The following RABGAP1L variants were observed in gnomAD, a reference collection of about 807,000 sequenced individuals.
The protein encoded by RABGAP1L is rab GTPase-activating protein 1-like.
Under a neutral mutation model 137.7 loss-of-function variants are expected in RABGAP1L, and 63 were observed. That is an observed-to-expected ratio of 0.46 (90% CI 0.37 to 0.56). The LOEUF is 0.56. Ranked by LOEUF, RABGAP1L falls within the 20% of genes least tolerant of loss-of-function variation. RABGAP1L has a pLI of 0.00. For missense variants in RABGAP1L, 1,095 were observed against 1,244.0 expected (o/e 0.88, Z 1.80); for synonymous variants, 431 against 433.7 (o/e 0.99, Z 0.08).
At chr1:174,513,596 G>A (rs985070898) in intron 13 of RABGAP1L, among the ~76,000 whole-genome samples, 2 of 152,238 alleles carry the variant, frequency 1.3e-5, no homozygotes, top group Non-Finnish European at 1.5e-5. Flanking sequence ...CTAGGCAACA[G>A]AGCAAGACAT....
At chr1:174,196,566 A>G (rs1571493159) in intron 1 of RABGAP1L, among the ~76,000 whole-genome samples, 1 of 148,650 alleles carries the variant, frequency 6.7e-6, no homozygotes, top group East Asian at 1.9e-4. Flanking sequence ...TGAGTTTTTA[A>G]TCTTTTTTCT....
chr1:174,847,115 G>A (rs1694139920), intron 19 of RABGAP1L, among the ~76,000 whole-genome samples: 1 of 145,582 alleles, frequency 6.9e-6, no homozygotes, highest in Non-Finnish European at 1.5e-5. Flanking sequence ...TTGAGCCTAT[G>A]TGTGTCTCTG....
intron 14 of RABGAP1L, among the ~76,000 whole-genome samples, chr1:174,652,153 G>C (rs899941070): frequency 2.0e-5 from 3 of 152,174 alleles, no homozygotes; most frequent in Non-Finnish European, 2.9e-5. Flanking sequence ...TAAGAATGTT[G>C]AATATCGGCC....
intron 11 of RABGAP1L, among the ~76,000 whole-genome samples, chr1:174,319,923 T>TA (rs141257844): frequency 0.29 from 44,249 of 151,820 alleles, 7,185 homozygotes; most frequent in African/African-American, 0.43. Context: ...ATCTATTCCC[T>TA]AATAAAAATC....
chr1:174,263,758 C>T (rs1673794871), intron 7 of RABGAP1L, among the ~76,000 whole-genome samples: 1 of 149,886 alleles, frequency 6.7e-6, no homozygotes, highest in Non-Finnish European at 1.5e-5. Context: ...TTTATTTTGC[C>T]TTGCTATGAG....
intron 13 of RABGAP1L, among the ~76,000 whole-genome samples, chr1:174,611,178 T>C (rs1188539948): frequency 1.4e-5 from 2 of 147,938 alleles, no homozygotes; most frequent in African/African-American, 5.2e-5. Context: ...CTAGGGTTTT[T>C]ATGGTTTTAG....
rs142213105 is a variant in RABGAP1L, at chr1:174,563,338, A to G, written c.1711-74037A>G. Reference sequence around the variant, plus strand: ...TAGATATGAAATTAACAGTTATTGCATATATTTGTGCTGGCTGCCATATGG... The same window carrying G: ...TAGATATGAAATTAACAGTTATTGCGTATATTTGTGCTGGCTGCCATATGG... On this transcript the variant is annotated intron_variant, in intron 13 of 25. Coordinates refer to ENST00000681986, the MANE Select transcript of RABGAP1L (RefSeq NM_001366446.1). Among the ~76,000 whole-genome samples the G allele has an allele frequency of 1.1e-4, 17 of 152,320 alleles. No homozygotes were observed. In the East Asian group the frequency reaches 3.3e-3, roughly 29 times the overall value.
At chr1:174,924,641 C>T (rs916772496) in intron 19 of RABGAP1L, among the ~76,000 whole-genome samples, 2 of 152,074 alleles carry the variant, frequency 1.3e-5, no homozygotes, top group African/African-American at 4.8e-5. Flanking sequence ...ATCTATTCAA[C>T]CTTGCTTTAG....
chr1:174,941,576 A>G (rs1470051810), intron 19 of RABGAP1L, among the ~76,000 whole-genome samples: 4 of 152,198 alleles, frequency 2.6e-5, no homozygotes, highest in African/African-American at 7.2e-5. Flanking sequence ...ACTATCACCT[A>G]ACAGAAGATG....
At chr1:174,759,703 A>T (rs1685069447) in intron 18 of RABGAP1L, among the ~76,000 whole-genome samples, 1 of 152,218 alleles carries the variant, frequency 6.6e-6, no homozygotes, top group Non-Finnish European at 1.5e-5. Context: ...CAGGAAGCTT[A>T]CAATCATGGC....
intron 16 of RABGAP1L, among the ~76,000 whole-genome samples, chr1:174,699,902 G>A (rs1332014537): frequency 6.6e-6 from 1 of 152,080 alleles, no homozygotes; most frequent in African/African-American, 2.4e-5. Context: ...AATCTAATGA[G>A]TTTAATCATT....
intron 24 of RABGAP1L, 60 bp from the exon 25 acceptor site, chr1:174,988,581 C>G: frequency 1.0e-5 from 14 of 1,333,580 alleles, no homozygotes; most frequent in Non-Finnish European, 1.4e-5. Context: ...TAAATTGTTT[C>G]AGAAGGTGAT....
chr1:174,708,753 T>C (rs112061796), intron 17 of RABGAP1L, among the ~76,000 whole-genome samples: 1 of 152,100 alleles, frequency 6.6e-6, no homozygotes, highest in Non-Finnish European at 1.5e-5. Flanking sequence ...GCAGGAGTTT[T>C]TGTTTGTTTG....
intron 1 of RABGAP1L, among the ~76,000 whole-genome samples, chr1:174,206,021 G>T (rs1241532838): frequency 6.6e-6 from 1 of 152,128 alleles, no homozygotes; most frequent in Non-Finnish European, 1.5e-5. Flanking sequence ...TCCGTCTAGG[G>T]TTTACTTTTC....
chr1:174,248,230 A>G (rs1672425483), intron 5 of RABGAP1L, among the ~76,000 whole-genome samples: 1 of 152,138 alleles, frequency 6.6e-6, no homozygotes, highest in African/African-American at 2.4e-5. Context: ...ATCCATCCCC[A>G]AGCACATTCA....
intron 19 of RABGAP1L, among the ~76,000 whole-genome samples, chr1:174,834,504 A>G (rs560814530): frequency 2.0e-5 from 3 of 151,370 alleles, no homozygotes; most frequent in Non-Finnish European, 2.9e-5. Flanking sequence ...GGCCAAAACC[A>G]TGGGCTTTAA....
chr1:174,696,354 GGTGT>G (rs1557993218), intron 15 of RABGAP1L, among the ~76,000 whole-genome samples: 2 of 151,892 alleles, frequency 1.3e-5, no homozygotes, highest in African/African-American at 4.8e-5. Flanking sequence ...TTGGGGAAGG[GGTGT>G]AAGTATAGCC....
At chr1:174,410,553 G>A (rs1649804451) in intron 13 of RABGAP1L, among the ~76,000 whole-genome samples, 1 of 152,088 alleles carries the variant, frequency 6.6e-6, no homozygotes, top group Non-Finnish European at 1.5e-5. Flanking sequence ...TCAGATGGCT[G>A]TAGGTGTGTG....
intron 20 of RABGAP1L, among the ~76,000 whole-genome samples, chr1:174,959,385 G>A (rs1444550472): frequency 6.6e-6 from 1 of 152,134 alleles, no homozygotes; most frequent in African/African-American, 2.4e-5. Flanking sequence ...AAATAAGAGA[G>A]AAATGGAAGA....
Sources: allele counts gnomAD v4.1 joint callset (sites outside exome capture counted in the v4.1 genomes callset), GRCh38; gene constraint gnomAD v4.1.1; transcripts MANE v1.5; gene names NCBI Gene and HGNC (gene_info 2026-07-23, HGNC 2026-07-21).